NOTCH4: variants seen among roughly 807,000 people sequenced by gnomAD.
NOTCH4 encodes the protein neurogenic locus notch homolog protein 4.
NOTCH4 carries 138 observed loss-of-function variants against 189.0 expected under a neutral mutation model. The ratio of observed to expected loss-of-function variants is 0.73; its 90% CI spans 0.64 to 0.84. NOTCH4 has a LOEUF of 0.84. NOTCH4 is among the 40% of genes least tolerant of loss of function. NOTCH4 has a pLI of 0.00. For missense variants in NOTCH4, 2,286 were observed against 2,605.4 expected, an observed-to-expected ratio of 0.88 and a Z score of 2.67; for synonymous variants, 942 against 1,032.8, an observed-to-expected ratio of 0.91 and a Z score of 1.69.
chr6:32,218,073 C>T lies in NOTCH4; in HGVS notation c.1546G>A (p.Glu516Lys), dbSNP rs772860672. Residue 516 changes from glutamate to lysine, a missense_variant, in exon 9 of 30, where the codon GAG becomes AAG. Transcript: ENST00000375023. ...TTCAGGCAGGGAGCTGAGGCACACT[C>T]GTTGGTCTCCACCTCACAGAGCTGC... Reference protein sequence around the residue: ...EGQLCEVETNECASAPCLNHA... With the variant: ...EGQLCEVETNKCASAPCLNHA... 13 of 1,613,636 alleles carry T rather than the reference C, an allele frequency of 8.1e-6. No individual in the cohort carries two copies. Among genetic ancestry groups the T allele is most frequent in the South Asian group, 5.5e-5 (5 of 90,998 alleles).
chr6:32,214,484 T>TATATATATATATATATATATATACAC (rs28383875), intron 12 of NOTCH4, among the ~76,000 whole-genome samples: 17 of 141,268 alleles, frequency 1.2e-4, no homozygotes, highest in African/African-American at 3.0e-4. Flanking sequence ...TATATATATA[T>TATATATATATATATATATATATACAC]ACACACATAT....
Position 32,212,465 on chromosome 6 carries a change from G to A in NOTCH4, c.2680+9C>T, listed in dbSNP as rs763105931. ...CATTTGCTCTCCAGTCAGTGCCGGC[G>A]TTGGTTACCTTGGCTCAGTGCAGCC... On this transcript the variant is annotated intron_variant, in intron 17 of 29. Coordinates refer to ENST00000375023, the MANE Select transcript of NOTCH4 (RefSeq NM_004557.4). The surrounding 1 kb of genome is among the most constrained non-coding windows in gnomAD (Gnocchi z 4.4). 6.3e-6 allele frequency: 10 copies of A among 1,599,832 alleles called. No individual in the cohort carries two copies. The East Asian group carries it at 1.1e-4, about 18-fold the overall frequency.
Position 32,220,397 on chromosome 6 carries a change from C to T in NOTCH4, c.1159+8G>A, listed in dbSNP as rs760274442. On this transcript the variant is annotated splice_region_variant and intron_variant, in intron 6 of 29. Coordinates refer to ENST00000375023, the MANE Select transcript of NOTCH4 (RefSeq NM_004557.4). The stretch of plus-strand genomic sequence containing the variant: ...CCTCCCACCTCCTGATACCCTCTAC[C>T]CCCATACCTGTGCGTCCAGGTGGGC... 2 of 1,613,910 alleles carry T rather than the reference C, an allele frequency of 1.2e-6. No individual in the cohort carries two copies. Among genetic ancestry groups the T allele is most frequent in the East Asian group, 2.2e-5 (1 of 44,878 alleles).
At chr6:32,223,634 C>T (rs547879961) in intron 1 of NOTCH4, among the ~76,000 whole-genome samples, 1 of 152,164 alleles carries the variant, frequency 6.6e-6, no homozygotes, top group South Asian at 2.1e-4. Flanking sequence ...GAGGTGGGCA[C>T]CCTCTCACCC....
rs1210569066 is a variant in NOTCH4, at chr6:32,214,214, C to T, written c.2063G>A (p.Cys688Tyr). Residue 688 changes from cysteine (C) to tyrosine (Y), a missense_variant, in exon 13 of 30, where the codon TGT becomes TAT. By Grantham distance (194) the Cys-to-Tyr change is radical. Transcript: ENST00000375023. ...GATGCAGCCCCCTAGCTCTGCCTCA[C>T]ACTCTGGCCCCGTCCAACCCACGTC... ...VCDVGWTGPE[C>Y]EAELGGCISA... is the part of the protein sequence containing the mutation. 2 of 1,613,502 alleles carry T rather than the reference C, an allele frequency of 1.2e-6. No homozygotes were observed. The highest frequency in any genetic ancestry group is 1.7e-6 in the Non-Finnish European group (2 of 1,179,832).
rs769580173 is a variant in NOTCH4, at chr6:32,195,620, C to T, written c.5829G>A (p.Arg1943=). The change falls in exon 30 of 30, where the codon AGG becomes AGA. Residue 1943 remains arginine, a synonymous_variant. Coordinates refer to ENST00000375023, the MANE Select transcript of NOTCH4 (RefSeq NM_004557.4). This position sits in a 1 kb window ranked among gnomAD's most constrained non-coding sequence, Gnocchi z 5.4. Reference sequence around the variant, plus strand: ...CACAGGGCCAGTCATCCGTTGAGACCCTGCCTCCGCGCCCGGCAGCCACTC... The same window carrying T: ...CACAGGGCCAGTCATCCGTTGAGACTCTGCCTCCGCGCCCGGCAGCCACTC... ...RYGVAAGRGG[R]VSTDDWPCDW... 2.8e-5 allele frequency: 45 copies of T among 1,612,884 alleles called. No individual in the cohort carries two copies. The highest frequency in any genetic ancestry group is 1.9e-5 in the Non-Finnish European group (22 of 1,179,986).
chr6:32,210,620 A>T lies in NOTCH4; in HGVS notation c.2865+132T>A. On this transcript the variant is annotated intron_variant, in intron 18 of 29. Transcript: ENST00000375023. This position sits in a 1 kb window ranked among gnomAD's most constrained non-coding sequence, Gnocchi z 4.8. Reference sequence around the variant, plus strand: ...GATAAAGTGGCATGACTTTGTGGTTAGTTGGGTGTGTGGGGTTAAAAAAAA... The same window carrying T: ...GATAAAGTGGCATGACTTTGTGGTTTGTTGGGTGTGTGGGGTTAAAAAAAA... 1.2e-6 allele frequency: 1 copy of T among 813,392 alleles called. No individual in the cohort carries two copies. The highest frequency in any genetic ancestry group is 2.0e-6 in the Non-Finnish European group (1 of 502,494). 50.4% of individuals were successfully genotyped at this position (813,392 alleles called of 1,614,324 possible). A position where few individuals can be genotyped will look rare whatever the true frequency, so the allele number is the denominator to read the frequency against.
Position 32,198,607 on chromosome 6 carries a change from C to T in NOTCH4, c.4617+42G>A, listed in dbSNP as rs8192575. On this transcript the variant is annotated intron_variant, in intron 25 of 29. Transcript: ENST00000375023. The surrounding 1 kb of genome is among the most constrained non-coding windows in gnomAD (Gnocchi z 5.5). ...GTGAAGGTTGATTTGCCCTTTCATCCCTTCCATCACCTCCAGACCATTCTT... is the reference window on the plus strand; with the variant it reads ...GTGAAGGTTGATTTGCCCTTTCATCTCTTCCATCACCTCCAGACCATTCTT... The T allele has an allele frequency of 6.2e-7, 1 of 1,610,570 alleles. No homozygotes were observed. The highest frequency in any genetic ancestry group is 1.1e-5 in the South Asian group (1 of 90,762).
At chr6:32,213,892 G>T in intron 13 of NOTCH4, 52 bp from the exon 14 acceptor site, 2 of 1,589,388 alleles carry the variant, frequency 1.3e-6, no homozygotes, top group South Asian at 1.1e-5. Context: ...CCCTCCCTCC[G>T]CTCTCCTTCT....
chr6:32,204,459 C>G, intron 18 of NOTCH4, 70 bp from the exon 19 acceptor site: 1 of 1,555,812 alleles, frequency 6.4e-7, no homozygotes, highest in Non-Finnish European at 8.7e-7. Flanking sequence ...GGACCCAGCT[C>G]AAGATAGTCT....
At position 32,199,718 on chromosome 6, in the gene NOTCH4, A is replaced by AAAAC. The variant is rs1788222276; in HGVS notation, c.4316-574_4316-573insGTTT. ...GACTCTGTCTCAAACAAAACAAAAC[A>AAAAC]AAAACAAAAAAAATTATCAGGGCAT... On this transcript the variant is annotated intron_variant, in intron 23 of 29. Transcript: ENST00000375023. This position sits in a 1 kb window ranked among gnomAD's most constrained non-coding sequence, Gnocchi z 4.9. Among the ~76,000 whole-genome samples, 1 of 125,168 alleles carries AAAAC rather than the reference A, an allele frequency of 8.0e-6. No individual in the cohort carries two copies. The highest frequency in any genetic ancestry group is 2.8e-4 in the South Asian group (1 of 3,574). 82.1% of individuals were successfully genotyped at this position (125,168 alleles called of 152,430 possible). A position where few individuals can be genotyped will look rare whatever the true frequency, so the allele number is the denominator to read the frequency against.
At chr6:32,197,166 C>G in intron 27 of NOTCH4, 94 bp from the exon 28 acceptor site, 1 of 1,528,774 alleles carries the variant, frequency 6.5e-7, no homozygotes, top group Non-Finnish European at 8.8e-7. Context: ...CCATATTCAG[C>G]CATCCTCCGC....
Position 32,220,257 on chromosome 6 carries a change from C to T in NOTCH4, c.1187G>A (p.Cys396Tyr). 2 of 1,613,538 alleles carry T rather than the reference C, an allele frequency of 1.2e-6. No homozygotes were observed. The highest frequency in any genetic ancestry group is 1.7e-5 in the Admixed American group (1 of 59,886). ...TGLLCHLEDM[C>Y]LSQPCHGDAQ... ...ATCCCCATGGCACGGCTGGCTCAGA[C>T]ACATGTCTTCCAAGTGGCACAGGAG... The change falls in exon 7 of 30, where the codon TGT (cysteine) becomes TAT (tyrosine). Residue 396 changes from cysteine (C) to tyrosine (Y), a missense_variant. By Grantham distance (194) the Cys-to-Tyr change is radical (BLOSUM62 -2). This residue lies in a region of NOTCH4 where 1,903 missense variants were observed against 2,261.9 expected (regional missense o/e 0.84). Transcript: ENST00000375023.
intron 18 of NOTCH4, among the ~76,000 whole-genome samples, chr6:32,205,480 G>A (rs3131295): frequency 0.46 from 66,333 of 145,318 alleles, 15,572 homozygotes; most frequent in South Asian, 0.58. Context: ...CCCGGGAGGC[G>A]GAGGTTGCAG....
chr6:32,223,047 C>T lies in NOTCH4; in HGVS notation c.113G>A (p.Gly38Glu), dbSNP rs769355560. ...CGSFPEPCAN[G>E]GTCLSLSLGQ... The stretch of plus-strand genomic sequence containing the variant: ...CAGAGACAGGCTCAGGCAGGTGCCT[C>T]CATTGGCACAGGGTTCTGGGAAACT... The change falls in exon 2 of 30, where the codon GGA becomes GAA. Residue 38 changes from glycine (G) to glutamate (E), a missense_variant. Around this residue, in one of 2 missense-constraint regions of NOTCH4, gnomAD observed 1,903 missense variants for 2,261.9 expected, o/e 0.84. Transcript: ENST00000375023. The T allele has an allele frequency of 3.1e-6, 5 of 1,614,010 alleles. No individual in the cohort carries two copies. The highest frequency in any genetic ancestry group is 1.7e-4 in the Middle Eastern group (1 of 6,060).
rs1469016812 is a variant in NOTCH4, at chr6:32,200,279, C to T, written c.4315+552G>A. Reference sequence around the variant, plus strand: ...AGGCTGGAGTGCAGTGGCGCGATCTCGGCTCACTGCAAGCTCCACCTCCCA... The same window carrying T: ...AGGCTGGAGTGCAGTGGCGCGATCTTGGCTCACTGCAAGCTCCACCTCCCA... On this transcript the variant is annotated intron_variant, in intron 23 of 29. Transcript: ENST00000375023. The surrounding 1 kb of genome is among the most constrained non-coding windows in gnomAD (Gnocchi z 5.0). Among the ~76,000 whole-genome samples, 4 of 151,224 alleles carry T rather than the reference C, an allele frequency of 2.6e-5. No homozygotes were observed. Among genetic ancestry groups the T allele is most frequent in the African/African-American group, 4.9e-5 (2 of 41,180 alleles).
intron 20 of NOTCH4, chr6:32,203,461 A>C (rs535346275): frequency 2.5e-6 from 1 of 398,760 alleles, no homozygotes; most frequent in African/African-American, 2.1e-5. Context: ...CCATAAATAC[A>C]TATACAAACA....
intron 15 of NOTCH4, 33 bp downstream of exon 15, chr6:32,213,102 T>C (rs1789135885): frequency 6.5e-7 from 1 of 1,532,436 alleles, no homozygotes; most frequent in Non-Finnish European, 9.0e-7. Flanking sequence ...TGAGGGGTTT[T>C]CTCCCTTCTA....
chr6:32,207,743 A>T (rs1463412369), intron 18 of NOTCH4, among the ~76,000 whole-genome samples: 1 of 151,778 alleles, frequency 6.6e-6, no homozygotes, highest in African/African-American at 2.4e-5. Flanking sequence ...TAAAAAAAAA[A>T]TTCAGCCGGG....
Sources: allele counts gnomAD v4.1 joint callset (sites outside exome capture counted in the v4.1 genomes callset), GRCh38; gene constraint gnomAD v4.1.1; regional missense constraint gnomAD v4.1.1; non-coding constraint Gnocchi (gnomAD v3.1); transcripts MANE v1.5; gene names NCBI Gene and HGNC (gene_info 2026-07-23, HGNC 2026-07-21).